The following PLEKHA2 variants were observed in gnomAD, a reference collection of about 807,000 sequenced individuals.
The protein encoded by PLEKHA2 is pleckstrin homology domain containing A2, also known as pleckstrin homology domain-containing family A member 2.
Under a neutral mutation model 53.2 loss-of-function variants are expected in PLEKHA2, and 28 were observed. The ratio of observed to expected loss-of-function variants is 0.53; its 90% CI spans 0.39 to 0.72. The LOEUF (loss-of-function observed/expected upper bound fraction) is 0.72. PLEKHA2 is among the 30% of genes least tolerant of loss of function. The probability of loss-of-function intolerance (pLI) is 0.00; values close to 1 mark genes in which losing one functional copy is unlikely to be tolerated. For synonymous variants in PLEKHA2, 193 were observed against 196.4 expected, an observed-to-expected ratio of 0.98 and a Z score of 0.14; for missense variants, 426 against 537.9, an observed-to-expected ratio of 0.79 and a Z score of 2.06.
intron 2 of PLEKHA2, among the ~76,000 whole-genome samples, chr8:38,921,099 C>T (rs1004695672): frequency 1.3e-5 from 2 of 152,206 alleles, no homozygotes; most frequent in African/African-American, 4.8e-5. Flanking sequence ...CTGCGACTGG[C>T]CTGAACTCTT....
rs1410783339 is a variant in PLEKHA2, at chr8:38,918,033, A to G, written c.104A>G (p.Gln35Arg). 4 of 1,613,338 alleles carry G rather than the reference A, an allele frequency of 2.5e-6. No homozygotes were observed. Among genetic ancestry groups the G allele is most frequent in the Non-Finnish European group, 3.4e-6 (4 of 1,179,626 alleles). ...FLRRYFILDT[Q>R]ANCLLWYMDN... ...CGGAGGTACTTCATTCTGGACACCCAGGCTAACTGCCTCCTCTGGTATATG... is the reference window on the plus strand; with the variant it reads ...CGGAGGTACTTCATTCTGGACACCCGGGCTAACTGCCTCCTCTGGTATATG... The change falls in exon 2 of 12, where the codon CAG (glutamine) becomes CGG (arginine). Residue 35 changes from glutamine to arginine, a missense_variant. Transcript: ENST00000617275.
chr8:38,928,588 C>G (rs556622097), intron 2 of PLEKHA2, among the ~76,000 whole-genome samples: 2 of 151,898 alleles, frequency 1.3e-5, no homozygotes, highest in African/African-American at 4.8e-5. Flanking sequence ...AGTTGGAAGA[C>G]GGAAATAAAG....
intron 9 of PLEKHA2, among the ~76,000 whole-genome samples, 183 bp downstream of exon 9, chr8:38,953,550 C>G (rs1427485889): frequency 6.6e-6 from 1 of 152,202 alleles, no homozygotes; most frequent in African/African-American, 2.4e-5. Flanking sequence ...CCGCCCTGGG[C>G]ACACTTGCCC....
intron 7 of PLEKHA2, 34 bp from the exon 8 acceptor site, chr8:38,952,602 C>T (rs773416359): frequency 1.6e-5 from 26 of 1,590,726 alleles, no homozygotes; most frequent in South Asian, 4.4e-5. Context: ...GGGCACCTCT[C>T]GCTAATGGTC....
chr8:38,921,671 C>T (rs1192103709), intron 2 of PLEKHA2, among the ~76,000 whole-genome samples: 2 of 152,228 alleles, frequency 1.3e-5, no homozygotes, highest in African/African-American at 2.4e-5. Context: ...TAGCTGAGCT[C>T]TCAGGGTGTT....
intron 3 of PLEKHA2, among the ~76,000 whole-genome samples, chr8:38,937,688 C>T (rs535464582): frequency 1.3e-5 from 2 of 152,318 alleles, no homozygotes; most frequent in South Asian, 4.1e-4. Context: ...AAACCCACAG[C>T]TGCCACTGGG....
intron 3 of PLEKHA2, among the ~76,000 whole-genome samples, chr8:38,937,537 T>A (rs1031233055): frequency 6.6e-6 from 1 of 152,006 alleles, no homozygotes; most frequent in Non-Finnish European, 1.5e-5. Flanking sequence ...ATGAATTCAG[T>A]CTCCTGCTGA....
intron 3 of PLEKHA2, among the ~76,000 whole-genome samples, chr8:38,936,874 C>T (rs1018170101): frequency 1.3e-5 from 2 of 152,228 alleles, no homozygotes; most frequent in African/African-American, 2.4e-5. Flanking sequence ...ACTGAGGTTT[C>T]GGAAGTCCTG....
At position 38,953,300 on chromosome 8, in the gene PLEKHA2, C is replaced by T. The variant is rs374391919; in HGVS notation, c.706C>T (p.Arg236Ter). Residue 236 changes from arginine (R) to a stop codon, truncating the protein, a stop_gained, in exon 9 of 12, where the codon CGA becomes TGA. Transcript: ENST00000617275. LOFTEE classifies it high-confidence loss of function. Reference protein sequence around the residue: ...TICYFKCEQDREPLRTIFLKD... With the variant: ...TICYFKCEQD The stretch of plus-strand genomic sequence containing the variant: ...GTCTTTCTGTTCTTTCCACCAGGAC[C>T]GAGAACCACTGCGCACCATATTTCT... 4 of 1,612,146 alleles carry T rather than the reference C, an allele frequency of 2.5e-6. No individual in the cohort carries two copies. The highest frequency in any genetic ancestry group is 3.4e-6 in the Non-Finnish European group (4 of 1,178,218).
At chr8:38,931,815 C>CA (rs1026407573) in intron 2 of PLEKHA2, among the ~76,000 whole-genome samples, 5 of 152,184 alleles carry the variant, frequency 3.3e-5, no homozygotes, top group African/African-American at 9.7e-5. Flanking sequence ...ACTCCGAGAA[C>CA]AGAGTCCAAG....
intron 4 of PLEKHA2, among the ~76,000 whole-genome samples, chr8:38,945,086 G>C (rs1834686045): frequency 1.3e-5 from 2 of 152,146 alleles, no homozygotes; most frequent in African/African-American, 4.8e-5. Flanking sequence ...ACCGTGCATG[G>C]GTGCCTCAAG....
At chr8:38,964,852 CTTTTTTTTTTTTTTTTT>C (rs56714628) in intron 10 of PLEKHA2, among the ~76,000 whole-genome samples, 5 of 54,970 alleles carry the variant, frequency 9.1e-5, no homozygotes, top group East Asian at 8.5e-4. Context: ...TGTTACTTCC[CTTTTTTTTTTTTTTTTT>C]TTTTTTTTTT....
chr8:38,918,035 G>A lies in PLEKHA2; in HGVS notation c.106G>A (p.Ala36Thr). The A allele has an allele frequency of 6.2e-7, 1 of 1,613,356 alleles. No homozygotes were observed. The highest frequency in any genetic ancestry group is 8.5e-7 in the Non-Finnish European group (1 of 1,179,574). Residue 36 changes from alanine (A) to threonine (T), a missense_variant, in exon 2 of 12, where the codon GCT becomes ACT. By Grantham distance (58) the Ala-to-Thr change is moderately conservative. Coordinates refer to ENST00000617275, the MANE Select transcript of PLEKHA2 (RefSeq NM_021623.2). ...GAGGTACTTCATTCTGGACACCCAG[G>A]CTAACTGCCTCCTCTGGTATATGGA... ...LRRYFILDTQ[A>T]NCLLWYMDNP...
intron 9 of PLEKHA2, among the ~76,000 whole-genome samples, chr8:38,957,006 T>C (rs995292259): frequency 6.6e-6 from 1 of 152,058 alleles, no homozygotes; most frequent in Non-Finnish European, 1.5e-5. Context: ...GGAAGGAAAC[T>C]GTAGGAGATG....
At chr8:38,920,974 T>C (rs1834180973) in intron 2 of PLEKHA2, among the ~76,000 whole-genome samples, 1 of 152,130 alleles carries the variant, frequency 6.6e-6, no homozygotes, top group Non-Finnish European at 1.5e-5. Flanking sequence ...CTAATTTTTG[T>C]ATTTTTAGTA....
At position 38,953,281 on chromosome 8, in the gene PLEKHA2, C is replaced by T. The variant is rs371112087; in HGVS notation, c.703-16C>T. 102 of 1,602,642 alleles carry T rather than the reference C, an allele frequency of 6.4e-5. No individual in the cohort carries two copies. The highest frequency in any genetic ancestry group is 8.5e-5 in the Non-Finnish European group (99 of 1,169,664). On this transcript the variant is annotated splice_polypyrimidine_tract_variant and intron_variant, in intron 8 of 11. Transcript: ENST00000617275. ...CAGACAGCCTCACTTACCTGTCTTT[C>T]TGTTCTTTCCACCAGGACCGAGAAC... is the stretch of plus-strand genomic sequence containing the variant.
Position 38,938,800 on chromosome 8 carries a change from C to T in PLEKHA2, c.198+2750C>T, listed in dbSNP as rs551065264. Among the ~76,000 whole-genome samples the T allele has an allele frequency of 1.8e-4, 28 of 152,164 alleles. No individual in the cohort carries two copies. The South Asian group carries it at 2.3e-3, about 12-fold the overall frequency. Reference sequence around the variant, plus strand: ...GGTGGCCTCACTGGAGTCAGACGGTCGGGTGACCTCACCCGCCTGCAGCCA... The same window carrying T: ...GGTGGCCTCACTGGAGTCAGACGGTTGGGTGACCTCACCCGCCTGCAGCCA... On this transcript the variant is annotated intron_variant, in intron 3 of 11. Coordinates refer to ENST00000617275, the MANE Select transcript of PLEKHA2 (RefSeq NM_021623.2).
At chr8:38,941,218 G>T (rs187608094) in intron 3 of PLEKHA2, among the ~76,000 whole-genome samples, 1 of 151,960 alleles carries the variant, frequency 6.6e-6, no homozygotes, top group Non-Finnish European at 1.5e-5. Flanking sequence ...CACCACACCC[G>T]GCTAATTTTG....
rs1324416200 is a variant in PLEKHA2, at chr8:38,973,847, G to A, written c.*4064G>A. ...TTTTATGTGATCTCCTAATTGGTAT[G>A]TAGCAAAAATTTTCTAAAACTGTTT... On this transcript the variant is annotated 3_prime_UTR_variant, in exon 12 of 12. Coordinates refer to ENST00000617275, the MANE Select transcript of PLEKHA2 (RefSeq NM_021623.2). 4.2e-6 allele frequency: 1 copy of A among 238,710 alleles called. No individual in the cohort carries two copies. Among genetic ancestry groups the A allele is most frequent in the Non-Finnish European group, 8.1e-6 (1 of 123,336 alleles). 14.8% of individuals were successfully genotyped at this position (238,710 alleles called of 1,614,324 possible).
Sources: allele counts gnomAD v4.1 joint callset (sites outside exome capture counted in the v4.1 genomes callset), GRCh38; gene constraint gnomAD v4.1.1; transcripts MANE v1.5; gene names NCBI Gene and HGNC (gene_info 2026-07-23, HGNC 2026-07-21).